The following CSGALNACT1 variants were observed in gnomAD, a reference collection of about 807,000 sequenced individuals.
CSGALNACT1 encodes the protein beta4GalNAcT-1.
A neutral mutation model predicts 51.0 loss-of-function variants in CSGALNACT1; 52 were observed. The ratio of observed to expected loss-of-function variants is 1.02; its 90% CI spans 0.82 to 1.29. CSGALNACT1 has a LOEUF of 1.29. CSGALNACT1 is among the 50% of genes most tolerant of loss of function. CSGALNACT1 has a pLI of 0.00. For missense variants in CSGALNACT1, 935 were observed against 679.2 expected (o/e 1.38, Z -4.19); for synonymous variants, 341 against 254.4 (o/e 1.34, Z -3.24).
intron 3 of CSGALNACT1, among the ~76,000 whole-genome samples, chr8:19,517,563 A>C (rs564314640): frequency 4.6e-5 from 7 of 152,316 alleles, no homozygotes; most frequent in African/African-American, 1.4e-4. Context: ...GACGTGCCCG[A>C]GAGTGGGTCA....
chr8:19,414,862 T>C (rs754797712), intron 8 of CSGALNACT1, among the ~76,000 whole-genome samples: 9 of 152,230 alleles, frequency 5.9e-5, no homozygotes, highest in East Asian at 1.9e-4. Context: ...AATTAATATA[T>C]AGGTACCATC....
chr8:19,534,718 C>A (rs1587971932), intron 3 of CSGALNACT1, among the ~76,000 whole-genome samples: 1 of 152,168 alleles, frequency 6.6e-6, no homozygotes, highest in South Asian at 2.1e-4. Context: ...AACTCTCTCA[C>A]ACACGTCTAA....
chr8:19,408,435 CAGGTGTG>C (rs2054801014), intron 9 of CSGALNACT1, among the ~76,000 whole-genome samples, 171 bp downstream of exon 8: 1 of 141,100 alleles, frequency 7.1e-6, no homozygotes, highest in South Asian at 2.5e-4. Flanking sequence ...ACTGGGATTA[CAGGTGTG>C]AGCCACCGCA....
intron 1 of CSGALNACT1, among the ~76,000 whole-genome samples, chr8:19,707,860 G>A (rs2062264701): frequency 6.6e-6 from 1 of 152,234 alleles, no homozygotes; most frequent in South Asian, 2.1e-4. Context: ...AAGTAGCCGG[G>A]CGTGATGGCG....
chr8:19,678,279 T>C (rs1192675905), intron 1 of CSGALNACT1, among the ~76,000 whole-genome samples: 4 of 152,224 alleles, frequency 2.6e-5, no homozygotes, highest in South Asian at 2.1e-4. Flanking sequence ...CATCTCTGCA[T>C]AGAGGGCTCT....
intron 6 of CSGALNACT1, among the ~76,000 whole-genome samples, chr8:19,422,458 C>T (rs988668293): frequency 3.9e-5 from 6 of 152,324 alleles, no homozygotes; most frequent in East Asian, 1.9e-4. Flanking sequence ...GCTAGGATTA[C>T]AGGCATGAGA....
At chr8:19,424,929 C>T (rs2058541777) in intron 6 of CSGALNACT1, among the ~76,000 whole-genome samples, 1 of 152,114 alleles carries the variant, frequency 6.6e-6, no homozygotes, top group Non-Finnish European at 1.5e-5. Context: ...TGTCCTGCTT[C>T]CCCCCTTCCA....
At chr8:19,474,963 C>T (rs1174004717) in intron 4 of CSGALNACT1, among the ~76,000 whole-genome samples, 1 of 151,496 alleles carries the variant, frequency 6.6e-6, no homozygotes, top group Non-Finnish European at 1.5e-5. Context: ...ATAGACCTTG[C>T]TATGGAAAGG....
intron 1 of CSGALNACT1, among the ~76,000 whole-genome samples, chr8:19,682,265 G>A (rs1047816231): frequency 7.9e-5 from 12 of 152,078 alleles, no homozygotes; most frequent in East Asian, 3.9e-4. Flanking sequence ...TGTTAGGAGC[G>A]AGCCTGTCTC....
intron 3 of CSGALNACT1, among the ~76,000 whole-genome samples, chr8:19,539,915 G>C (rs1051453813): frequency 6.6e-6 from 1 of 152,148 alleles, no homozygotes; most frequent in Non-Finnish European, 1.5e-5. Context: ...TGGAAAGAAA[G>C]TTCTGCCTGA....
chr8:19,720,353 G>C (rs898827153), intron 1 of CSGALNACT1, among the ~76,000 whole-genome samples: 1 of 152,202 alleles, frequency 6.6e-6, no homozygotes, highest in African/African-American at 2.4e-5. Flanking sequence ...AAGAAACTCG[G>C]AGGAATAATC....
chr8:19,679,261 T>G (rs1166697106), intron 1 of CSGALNACT1, among the ~76,000 whole-genome samples: 2 of 152,040 alleles, frequency 1.3e-5, no homozygotes, highest in Non-Finnish European at 1.5e-5. Context: ...GAGGCCAGCC[T>G]GGGCAACATG....
At chr8:19,433,598 C>G (rs561835798) in intron 6 of CSGALNACT1, among the ~76,000 whole-genome samples, 1 of 152,306 alleles carries the variant, frequency 6.6e-6, no homozygotes, top group East Asian at 1.9e-4. Context: ...ATTGGAAGAG[C>G]TCTGAGTCAG....
chr8:19,419,144 C>T (rs935125916), intron 7 of CSGALNACT1, among the ~76,000 whole-genome samples: 4 of 152,178 alleles, frequency 2.6e-5, no homozygotes, highest in Admixed American at 6.5e-5. Context: ...CTGCGCCCGG[C>T]CTGCAGCCAC....
chr8:19,673,210 A>C (rs1480999795), intron 1 of CSGALNACT1, among the ~76,000 whole-genome samples: 1 of 152,224 alleles, frequency 6.6e-6, no homozygotes, highest in African/African-American at 2.4e-5. Context: ...TGCAAGGAAC[A>C]AAGGGGATAT....
intron 3 of CSGALNACT1, among the ~76,000 whole-genome samples, chr8:19,547,061 G>C (rs1425912875): frequency 6.6e-6 from 1 of 152,092 alleles, no homozygotes; most frequent in East Asian, 1.9e-4. Flanking sequence ...GACTCTCCTG[G>C]GTTTTCTATA....
intron 4 of CSGALNACT1, among the ~76,000 whole-genome samples, chr8:19,475,452 C>A (rs12682196): frequency 0.42 from 63,504 of 151,962 alleles, 14,737 homozygotes; most frequent in East Asian, 0.86. Context: ...TTAAGCTGTA[C>A]AAAAGTATGT....
chr8:19,413,930 A>G (rs2056383929), intron 8 of CSGALNACT1, among the ~76,000 whole-genome samples: 1 of 152,084 alleles, frequency 6.6e-6, no homozygotes, highest in East Asian at 1.9e-4. Context: ...GTTTACAGAT[A>G]TTTTCTCTGC....
At chr8:19,408,639 T>G in exon 9 of CSGALNACT1, 1 of 1,614,058 alleles carries the variant, frequency 6.2e-7, no homozygotes. Flanking sequence ...TGACCGATAC[T>G]GACACGTCAT....
Sources: gnomAD v4.1 joint callset for allele counts (sites outside exome capture counted in the v4.1 genomes callset) on GRCh38, gnomAD v4.1.1 for gene constraint, MANE v1.5 for transcripts, NCBI Gene and HGNC (gene_info 2026-07-23, HGNC 2026-07-21) for gene names.